Variants in TEX11 observed in about 807,000 individuals in gnomAD.
TEX11 encodes the protein testis-expressed protein 11.
In TEX11, 7 loss-of-function variants were observed where a neutral mutation model predicts 84.4. That is an observed-to-expected ratio of 0.08 (90% confidence interval 0.05 to 0.16). The LOEUF (loss-of-function observed/expected upper bound fraction) is 0.16. TEX11 is among the 10% of genes least tolerant of loss of function. TEX11 has a pLI of 1.00. For synonymous variants in TEX11, 264 were observed against 222.8 expected (o/e 1.18, Z -1.64); for missense variants, 551 against 660.5 (o/e 0.83, Z 1.82).
In TEX11 at chrX:70,839,939, A is replaced by G. The variant is rs1602171336; in HGVS notation, c.526-6346T>C. The stretch of plus-strand genomic sequence containing the variant: ...AAGAGAAGTTTAGAGAAAAAAGAAT[A>G]AAAAGAAATGAACAAAGCCTCCAAG... On this transcript the variant is annotated intron_variant, in intron 7 of 29. Transcript: ENST00000374333. Among the ~76,000 whole-genome samples, 4 of 111,642 alleles carry G rather than the reference A, an allele frequency of 3.6e-5. No homozygotes were observed. The South Asian group carries it at 1.1e-3, about 31-fold the overall frequency.
intron 9 of TEX11, among the ~76,000 whole-genome samples, chrX:70,782,348 C>A (rs986158050): frequency 9.0e-6 from 1 of 111,108 alleles, no homozygotes; most frequent in Admixed American, 9.6e-5. Flanking sequence ...CAACTGGTAC[C>A]AGCCACTGCA....
At chrX:70,836,407 G>A (rs1048171526) in intron 7 of TEX11, among the ~76,000 whole-genome samples, 5 of 111,306 alleles carry the variant, frequency 4.5e-5, no homozygotes, top group South Asian at 3.7e-4. Context: ...GACAATATTC[G>A]CGAATATTTA....
At chrX:70,710,028 T>A (rs893471076) in intron 13 of TEX11, among the ~76,000 whole-genome samples, 2 of 111,096 alleles carry the variant, frequency 1.8e-5, no homozygotes, top group Non-Finnish European at 1.9e-5. Context: ...TCTGTCTTGG[T>A]AGTCTAACTG....
At chrX:70,677,810 C>CTTTT (rs35653618) in intron 15 of TEX11, among the ~76,000 whole-genome samples, 100 of 63,573 alleles carry the variant, frequency 1.6e-3, no homozygotes, top group Middle Eastern at 0.01. Context: ...CTTTTCTTTC[C>CTTTT]TTTTTTTTTT....
At chrX:70,832,035 A>G (rs938528818) in intron 8 of TEX11, among the ~76,000 whole-genome samples, 5 of 111,744 alleles carry the variant, frequency 4.5e-5, no homozygotes, top group African/African-American at 1.6e-4. Context: ...AACCTGAAAG[A>G]CACGATCTTA....
intron 7 of TEX11, among the ~76,000 whole-genome samples, chrX:70,843,060 T>TA (rs2091456808): frequency 9.0e-6 from 1 of 111,424 alleles, no homozygotes; most frequent in Non-Finnish European, 1.9e-5. Flanking sequence ...CTGCCCAAGG[T>TA]AATTTATAGT....
intron 24 of TEX11, among the ~76,000 whole-genome samples, chrX:70,602,436 G>A (rs1359059381): frequency 9.7e-6 from 1 of 103,428 alleles, no homozygotes; most frequent in Non-Finnish European, 2.0e-5. Flanking sequence ...TATAAACAGA[G>A]CCAAAGACAA....
intron 5 of TEX11, among the ~76,000 whole-genome samples, chrX:70,859,598 A>AGAGAGAG: frequency 9.3e-6 from 1 of 107,257 alleles, no homozygotes; most frequent in South Asian, 4.0e-4. Flanking sequence ...AAAAAAAAAA[A>AGAGAGAG]AAAGAGAGAA....
intron 14 of TEX11, among the ~76,000 whole-genome samples, chrX:70,679,847 G>A (rs1187533862): frequency 2.2e-5 from 2 of 90,597 alleles, no homozygotes; most frequent in Non-Finnish European, 4.5e-5. Context: ...TCAGCCCCCC[G>A]CCCGGCCAGC....
At chrX:70,574,564 A>C (rs1255202003) in intron 25 of TEX11, among the ~76,000 whole-genome samples, 1 of 111,440 alleles carries the variant, frequency 9.0e-6, no homozygotes, top group Non-Finnish European at 1.9e-5. Context: ...GACTAAAATA[A>C]ATGACTCTCT....
intron 9 of TEX11, among the ~76,000 whole-genome samples, chrX:70,763,487 G>C (rs148526770): frequency 3.6e-5 from 4 of 110,227 alleles, no homozygotes; most frequent in Non-Finnish European, 7.6e-5. Flanking sequence ...TTACATATTG[G>C]GTACAGTGTA....
intron 2 of TEX11, among the ~76,000 whole-genome samples, chrX:70,900,787 C>A (rs1450770750): frequency 2.7e-5 from 3 of 110,468 alleles, no homozygotes; most frequent in Admixed American, 9.7e-5. Context: ...AACCCTGTCT[C>A]TACTAAAAAT....
At chrX:70,549,014 T>TAGAGG (rs1319432959) in intron 28 of TEX11, among the ~76,000 whole-genome samples, 2 of 110,880 alleles carry the variant, frequency 1.8e-5, no homozygotes, top group South Asian at 3.9e-4. Context: ...TTCCTTCCAC[T>TAGAGG]AGAGGAGAGG....
intron 28 of TEX11, among the ~76,000 whole-genome samples, chrX:70,540,057 C>G (rs1056978054): frequency 8.9e-6 from 1 of 111,761 alleles, no homozygotes; most frequent in African/African-American, 3.3e-5. Context: ...CTTGCTAAAG[C>G]AGGTCAGAGA....
intron 9 of TEX11, among the ~76,000 whole-genome samples, chrX:70,795,788 G>T (rs1380433192): frequency 1.8e-5 from 2 of 111,639 alleles, no homozygotes; most frequent in East Asian, 5.6e-4. Flanking sequence ...TGGGCTTGGG[G>T]TGCCTTCTAA....
chrX:70,744,387 T>C lies in TEX11; in HGVS notation c.693-168A>G, dbSNP rs954536755. 6.4e-5 allele frequency among the ~76,000 whole-genome samples: 7 copies of C among 109,286 alleles called. No individual in the cohort carries two copies. The East Asian group carries it at 2.0e-3, about 31-fold the overall frequency. The allele number at this position is 109,286 out of a possible 115,157, so 94.9% of individuals were successfully genotyped here. A position where few individuals can be genotyped will look rare whatever the true frequency, so the allele number is the denominator to read the frequency against. ...ACAGATTATTATCCATATGATATAATGATATAAAGCAATACTTTCTAACTG... is the reference window on the plus strand; with the variant it reads ...ACAGATTATTATCCATATGATATAACGATATAAAGCAATACTTTCTAACTG... On this transcript the variant is annotated intron_variant, in intron 9 of 29. Coordinates refer to ENST00000374333, the MANE Select transcript of TEX11 (RefSeq NM_031276.3).
intron 11 of TEX11, among the ~76,000 whole-genome samples, chrX:70,726,118 A>G (rs2090598222): frequency 1.8e-5 from 2 of 112,443 alleles, no homozygotes; most frequent in Non-Finnish European, 1.9e-5. Flanking sequence ...TTATTGCATT[A>G]CCATCTTTCC....
In TEX11 at chrX:70,660,396, A is replaced by T. The variant is rs926195136; in HGVS notation, c.1381-8844T>A. On this transcript the variant is annotated intron_variant, in intron 16 of 29. Coordinates refer to ENST00000374333, the MANE Select transcript of TEX11 (RefSeq NM_031276.3). The stretch of plus-strand genomic sequence containing the variant: ...GTATTTTGTAATAACACCGAGCTTA[A>T]AATACAAACATTGTACAGTTGTACA... 3.5e-5 allele frequency among the ~76,000 whole-genome samples: 4 copies of T among 112,879 alleles called. 1 individual carries two copies. The highest frequency in any genetic ancestry group is 2.8e-4 in the Admixed American group (3 of 10,730).
At chrX:70,875,317 T>A (rs1341762366) in intron 3 of TEX11, among the ~76,000 whole-genome samples, 1 of 111,377 alleles carries the variant, frequency 9.0e-6, no homozygotes, top group African/African-American at 3.3e-5. Flanking sequence ...CTTAATAGTG[T>A]TCTTCATATC....
Sources: allele counts gnomAD v4.1 joint callset (sites outside exome capture counted in the v4.1 genomes callset), GRCh38; gene constraint gnomAD v4.1.1; transcripts MANE v1.5; gene names NCBI Gene and HGNC (gene_info 2026-07-23, HGNC 2026-07-21).